THSD4: variants seen among roughly 807,000 people sequenced by gnomAD.
The protein encoded by THSD4 is thrombospondin type-1 domain-containing protein 4.
THSD4 carries 69 observed loss-of-function variants against 119.0 expected under a neutral mutation model. The observed-to-expected ratio is 0.58, with a 90% CI of 0.48 to 0.71. The LOEUF is 0.71. THSD4 is among the 30% of genes least tolerant of loss of function. The pLI, the probability that THSD4 is intolerant of heterozygous loss-of-function variation, is 0.00. For missense variants in THSD4, 1,393 were observed against 1,391.1 expected (o/e 1.00, Z -0.02); for synonymous variants, 524 against 540.4 (o/e 0.97, Z 0.42).
chr15:71,284,142 A>T (rs2044687327), intron 6 of THSD4, among the ~76,000 whole-genome samples: 1 of 152,154 alleles, frequency 6.6e-6, no homozygotes, highest in African/African-American at 2.4e-5. Flanking sequence ...AAGACTAGAG[A>T]TGTCTACACA....
At chr15:71,515,351 A>G (rs565581833) in intron 7 of THSD4, among the ~76,000 whole-genome samples, 33 of 152,202 alleles carry the variant, frequency 2.2e-4, no homozygotes, top group Admixed American at 6.5e-5. Context: ...TTCTTTAAAA[A>G]TGTTAATTTG....
chr15:71,171,388 C>G (rs1005292611), intron 3 of THSD4, among the ~76,000 whole-genome samples: 1 of 152,076 alleles, frequency 6.6e-6, no homozygotes, highest in African/African-American at 2.4e-5. Flanking sequence ...CTTTAAAGTA[C>G]TAAAAGAATA....
intron 8 of THSD4, among the ~76,000 whole-genome samples, chr15:71,704,942 GA>G: frequency 6.6e-6 from 1 of 152,200 alleles, no homozygotes. Flanking sequence ...CCTAGGGAAG[GA>G]ATAAAAAGTC....
At chr15:71,154,474 G>A (rs137910498) in intron 2 of THSD4, among the ~76,000 whole-genome samples, 1,526 of 152,308 alleles carry the variant, frequency 0.01, 20 homozygotes, top group Middle Eastern at 0.027. Flanking sequence ...GACCGCATGT[G>A]GGCTACACTA....
chr15:71,523,024 A>T (rs1436406084), intron 7 of THSD4, among the ~76,000 whole-genome samples: 1 of 152,206 alleles, frequency 6.6e-6, no homozygotes, highest in Non-Finnish European at 1.5e-5. Context: ...CTGGCATGTT[A>T]TGGGAACAGA....
At chr15:71,297,828 G>A (rs936649871) in intron 6 of THSD4, among the ~76,000 whole-genome samples, 24 of 152,074 alleles carry the variant, frequency 1.6e-4, no homozygotes, top group Admixed American at 1.4e-3. Flanking sequence ...AGTTTTGAGA[G>A]TTTTTTTGTG....
intron 8 of THSD4, among the ~76,000 whole-genome samples, chr15:71,676,076 C>T (rs1160800305): frequency 2.0e-5 from 3 of 152,190 alleles, no homozygotes; most frequent in Non-Finnish European, 4.4e-5. Flanking sequence ...ACCATCTTGC[C>T]TCAGCAGACC....
At position 71,524,937 on chromosome 15, in the gene THSD4, C is replaced by T. The variant is rs373491432; in HGVS notation, c.1152+113114C>T. 6.0e-5 allele frequency among the ~76,000 whole-genome samples: 9 copies of T among 151,200 alleles called. No homozygotes were observed. The East Asian group carries it at 1.8e-3, about 29-fold the overall frequency. On this transcript the variant is annotated intron_variant, in intron 7 of 17. Coordinates refer to ENST00000261862, the MANE Select transcript of THSD4 (RefSeq NM_024817.3). Reference sequence around the variant, plus strand: ...TCTTGCTTTATACTTCAAAGAACTTCCTTGCCCATGCTCCCTCCCTCCCTT... The same window carrying T: ...TCTTGCTTTATACTTCAAAGAACTTTCTTGCCCATGCTCCCTCCCTCCCTT...
chr15:71,315,125 T>C (rs1469370965), intron 6 of THSD4, among the ~76,000 whole-genome samples: 1 of 152,176 alleles, frequency 6.6e-6, no homozygotes, highest in Admixed American at 6.5e-5. Flanking sequence ...CTCTCTGCCC[T>C]CTGGGTCCTT....
chr15:71,703,847 TGTTA>T (rs1231095010), intron 8 of THSD4, among the ~76,000 whole-genome samples: 2 of 152,132 alleles, frequency 1.3e-5, no homozygotes, highest in Non-Finnish European at 2.9e-5. Context: ...TGGGGTTTTT[TGTTA>T]GTTTGTTTTT....
rs545483167 is a variant in THSD4 at position 71,304,620 on chromosome 15, C to A, written c.1015+47905C>A. Among the ~76,000 whole-genome samples the A allele has an allele frequency of 3.3e-5, 5 of 152,212 alleles. No homozygotes were observed. The South Asian group carries it at 8.3e-4, about 25-fold the overall frequency. ...CCCCAGGGGAAACACAAGAACATTA[C>A]CTAAGAACTTTGAAATTATTTTCAG... On this transcript the variant is annotated intron_variant, in intron 6 of 17. Coordinates refer to ENST00000261862, the MANE Select transcript of THSD4 (RefSeq NM_024817.3).
chr15:71,510,832 C>T (rs898702517), intron 7 of THSD4, among the ~76,000 whole-genome samples: 1 of 152,136 alleles, frequency 6.6e-6, no homozygotes, highest in Non-Finnish European at 1.5e-5. Flanking sequence ...AGATTGCCAT[C>T]AAAGAAGTAG....
intron 2 of THSD4, among the ~76,000 whole-genome samples, chr15:71,142,714 A>C (rs976109152): frequency 5.9e-5 from 9 of 152,324 alleles, no homozygotes; most frequent in African/African-American, 2.2e-4. Context: ...TCTGTGATGA[A>C]GCTCATCTTA....
chr15:71,498,053 G>A (rs1595828887), intron 7 of THSD4, among the ~76,000 whole-genome samples: 3 of 152,190 alleles, frequency 2.0e-5, no homozygotes, highest in Non-Finnish European at 4.4e-5. Flanking sequence ...AACTGGGGTG[G>A]CATGAAGCCA....
intron 7 of THSD4, among the ~76,000 whole-genome samples, chr15:71,519,122 G>A (rs1345635275): frequency 6.6e-6 from 1 of 152,284 alleles, no homozygotes; most frequent in South Asian, 2.1e-4. Context: ...TCAGACCTGA[G>A]TGATATGAAG....
intron 7 of THSD4, among the ~76,000 whole-genome samples, chr15:71,627,794 T>G (rs1328945328): frequency 6.6e-6 from 1 of 152,302 alleles, no homozygotes; most frequent in South Asian, 2.1e-4. Flanking sequence ...CATTTGTCAC[T>G]GAAGAGTTTA....
In THSD4 at chr15:71,596,284, C is replaced by T. The variant is rs535850647; in HGVS notation, c.1153-64246C>T. 6.6e-5 allele frequency among the ~76,000 whole-genome samples: 10 copies of T among 152,292 alleles called. No individual in the cohort carries two copies. The East Asian group carries it at 7.7e-4, about 12-fold the overall frequency. On this transcript the variant is annotated intron_variant, in intron 7 of 17. Coordinates refer to ENST00000261862, the MANE Select transcript of THSD4 (RefSeq NM_024817.3). ...TGTGTCACCCTTCTGTGGGTAGGAACGCAGTCAGATTGTGACATTGTTGTG... is the reference window on the plus strand; with the variant it reads ...TGTGTCACCCTTCTGTGGGTAGGAATGCAGTCAGATTGTGACATTGTTGTG...
intron 7 of THSD4, among the ~76,000 whole-genome samples, chr15:71,551,531 T>C (rs8037079): frequency 0.36 from 54,778 of 152,088 alleles, 10,952 homozygotes; most frequent in South Asian, 0.53. Context: ...TTCAGTGACT[T>C]AGCATACATT....
Position 71,398,019 on chromosome 15 carries a change from A to T in THSD4, c.1016-13668A>T, listed in dbSNP as rs1177831713. Reference sequence around the variant, plus strand: ...AAGTATTTTCACTTTTCTGGGTGTCAGTTTTCTACTGTGTAGTATGAAAGG... The same window carrying T: ...AAGTATTTTCACTTTTCTGGGTGTCTGTTTTCTACTGTGTAGTATGAAAGG... On this transcript the variant is annotated intron_variant, in intron 6 of 17. Coordinates refer to ENST00000261862, the MANE Select transcript of THSD4 (RefSeq NM_024817.3). 2.0e-5 allele frequency among the ~76,000 whole-genome samples: 3 copies of T among 152,222 alleles called. No homozygotes were observed. The East Asian group carries it at 5.8e-4, about 29-fold the overall frequency.
Sources: gnomAD v4.1 joint callset for allele counts (sites outside exome capture counted in the v4.1 genomes callset) on GRCh38, gnomAD v4.1.1 for gene constraint, MANE v1.5 for transcripts, NCBI Gene and HGNC (gene_info 2026-07-23, HGNC 2026-07-21) for gene names.